AKAP6: variants seen among roughly 807,000 people sequenced by gnomAD.
AKAP6 encodes A-kinase anchoring protein 6, also known as A-kinase anchor protein 6.
In AKAP6, 58 loss-of-function variants were observed where a neutral mutation model predicts 188.5. That is an observed-to-expected ratio of 0.31 (90% confidence interval 0.25 to 0.38). AKAP6 has a LOEUF of 0.38. AKAP6 is among the 10% of genes least tolerant of loss of function. The pLI is 1.00. For synonymous variants in AKAP6, 989 were observed against 998.6 expected, an observed-to-expected ratio of 0.99 and a Z score of 0.18; for missense variants, 2,710 against 2,740.0, an observed-to-expected ratio of 0.99 and a Z score of 0.24.
At chr14:32,428,888 G>T (rs191565875) in intron 1 of AKAP6, among the ~76,000 whole-genome samples, 1 of 152,262 alleles carries the variant, frequency 6.6e-6, no homozygotes, top group East Asian at 1.9e-4. Flanking sequence ...TTAAAAAAAA[G>T]CCTTAAAATC....
intron 1 of AKAP6, among the ~76,000 whole-genome samples, chr14:32,357,495 T>A (rs1450522490): frequency 6.6e-6 from 1 of 152,232 alleles, no homozygotes; most frequent in East Asian, 1.9e-4. Context: ...AGGTTAGATT[T>A]ACTGCAAGTG....
intron 1 of AKAP6, among the ~76,000 whole-genome samples, chr14:32,360,912 T>G (rs887897456): frequency 6.6e-6 from 1 of 151,536 alleles, no homozygotes; most frequent in Non-Finnish European, 1.5e-5. Context: ...CCCAGCTAAT[T>G]AAAAAAAATT....
intron 7 of AKAP6, among the ~76,000 whole-genome samples, chr14:32,634,350 C>G (rs996050133): frequency 6.6e-6 from 1 of 152,040 alleles, no homozygotes. Context: ...CTGGTTGTTG[C>G]TTTTATCTGG....
chr14:32,786,303 T>G lies in AKAP6; in HGVS notation c.3588+12410T>G, dbSNP rs1223315896. Among the ~76,000 whole-genome samples the G allele has an allele frequency of 1.7e-3, 128 of 73,762 alleles. 20 individuals carry two copies. Among genetic ancestry groups the G allele is most frequent in the African/African-American group, 5.2e-3 (104 of 19,892 alleles). The allele number at this position is 73,762 out of a possible 152,430, so 48.4% of individuals were successfully genotyped here. A position where few individuals can be genotyped will look rare whatever the true frequency, so the allele number is the denominator to read the frequency against. On this transcript the variant is annotated intron_variant, in intron 12 of 13. Coordinates refer to ENST00000280979, the MANE Select transcript of AKAP6 (RefSeq NM_004274.5). ...TGAAAGACCTAAACCTTTATCTTTT[T>G]TTTTTTTTTTTTTTTTTTTTTTGAG...
chr14:32,349,571 T>C (rs569512547), intron 1 of AKAP6, among the ~76,000 whole-genome samples: 1 of 152,324 alleles, frequency 6.6e-6, no homozygotes, highest in East Asian at 1.9e-4. Context: ...GATTAGCAGC[T>C]GGAAATTCCA....
At chr14:32,346,166 G>A (rs975836877) in intron 1 of AKAP6, among the ~76,000 whole-genome samples, 1 of 152,162 alleles carries the variant, frequency 6.6e-6, no homozygotes, top group Admixed American at 6.5e-5. Flanking sequence ...AGAAATAACA[G>A]CTCTTCCTGG....
chr14:32,641,004 C>G (rs1293737015), intron 7 of AKAP6, among the ~76,000 whole-genome samples: 1 of 152,136 alleles, frequency 6.6e-6, no homozygotes, highest in East Asian at 1.9e-4. Flanking sequence ...GATGTACCAC[C>G]TAGAGAATCC....
chr14:32,382,782 T>G (rs770040909), intron 1 of AKAP6, among the ~76,000 whole-genome samples: 157 of 152,172 alleles, frequency 1.0e-3, no homozygotes, highest in Non-Finnish European at 1.8e-3. Context: ...GGAAAGAAAC[T>G]GTACCAATAG....
intron 2 of AKAP6, chr14:32,494,291 G>A (rs986011842): frequency 5.3e-5 from 8 of 152,156 alleles, no homozygotes; most frequent in Non-Finnish European, 1.0e-4. Context: ...GGGTGTTGAT[G>A]ATGAAGTTGG....
rs765458547 is a variant in AKAP6, at chr14:32,469,713, AT to A, written c.324+35908del. ...AGATCTGATATTTTTAATGTCACAA[AT>A]TTTTTTTTTTTATTATTATACTTGT... On this transcript the variant is annotated intron_variant, in intron 2 of 13. Coordinates refer to ENST00000280979, the MANE Select transcript of AKAP6 (RefSeq NM_004274.5). Among the ~76,000 whole-genome samples the A allele has an allele frequency of 5.4e-3, 339 of 62,846 alleles. 2 individuals are homozygous for A. Among genetic ancestry groups the A allele is most frequent in the African/African-American group, 0.046 (279 of 6,084 alleles). The allele number at this position is 62,846 out of a possible 152,430, so 41.2% of individuals were successfully genotyped here.
At chr14:32,697,924 G>C (rs1890468259) in intron 9 of AKAP6, among the ~76,000 whole-genome samples, 2 of 152,038 alleles carry the variant, frequency 1.3e-5, no homozygotes, top group Non-Finnish European at 2.9e-5. Context: ...AACATTTTCT[G>C]TACTGTGATT....
At chr14:32,771,732 T>C (rs955024058) in intron 11 of AKAP6, among the ~76,000 whole-genome samples, 3 of 152,210 alleles carry the variant, frequency 2.0e-5, no homozygotes, top group Non-Finnish European at 2.9e-5. Flanking sequence ...TTTTGTTGGC[T>C]TAAGAAATAC....
At chr14:32,706,864 A>G (rs1890832819) in intron 9 of AKAP6, among the ~76,000 whole-genome samples, 1 of 152,036 alleles carries the variant, frequency 6.6e-6, no homozygotes, top group African/African-American at 2.4e-5. Flanking sequence ...TAATGCTCTT[A>G]TGGCCTTTGG....
chr14:32,615,326 G>GA (rs908014821), intron 7 of AKAP6, among the ~76,000 whole-genome samples: 18 of 151,490 alleles, frequency 1.2e-4, no homozygotes, highest in Admixed American at 5.9e-4. Context: ...TGGCAGAGGG[G>GA]AAAAATGGGT....
chr14:32,728,381 T>TCTAC (rs2030992848), intron 9 of AKAP6, among the ~76,000 whole-genome samples: 1 of 151,778 alleles, frequency 6.6e-6, no homozygotes, highest in African/African-American at 2.4e-5. Flanking sequence ...TATCTATCTA[T>TCTAC]CTATCTATCT....
At chr14:32,452,738 A>G (rs759348934) in intron 2 of AKAP6, among the ~76,000 whole-genome samples, 5 of 152,244 alleles carry the variant, frequency 3.3e-5, no homozygotes, top group African/African-American at 4.8e-5. Flanking sequence ...TCCAGAGACC[A>G]TATTAATAAA....
In AKAP6 at chr14:32,591,471, C is replaced by CAAA. The variant is rs71432067; in HGVS notation, c.2470-7925_2470-7923dup. Among the ~76,000 whole-genome samples the CAAA allele has an allele frequency of 2.8e-3, 354 of 128,476 alleles. 2 individuals carry two copies. Among genetic ancestry groups the CAAA allele is most frequent in the Admixed American group, 0.013 (163 of 12,768 alleles). The allele number at this position is 128,476 out of a possible 152,430, so 84.3% of individuals were successfully genotyped here. A position where few individuals can be genotyped will look rare whatever the true frequency, so the allele number is the denominator to read the frequency against. ...TCAGTAAGATGCATCTACTTTGCAC[C>CAAA]AAAAAAAAAAAAAAAAGCAACTGTT... On this transcript the variant is annotated intron_variant, in intron 5 of 13. Transcript: ENST00000280979.
Position 32,336,650 on chromosome 14 carries a change from G to GT in AKAP6, c.-35+7243dup, listed in dbSNP as rs1391495638. On this transcript the variant is annotated intron_variant, in intron 1 of 13. Coordinates refer to ENST00000280979, the MANE Select transcript of AKAP6 (RefSeq NM_004274.5). Reference sequence around the variant, plus strand: ...TTGACATGGAGCTCCAAGCATATCTGTGGAGGCTCTCTCATCTTCTGTTCT... The same window carrying GT: ...TTGACATGGAGCTCCAAGCATATCTGTTGGAGGCTCTCTCATCTTCTGTTCT... Among the ~76,000 whole-genome samples the GT allele has an allele frequency of 1.3e-5, 2 of 152,122 alleles. 1 individual carries two copies. The highest frequency in any genetic ancestry group is 2.9e-5 in the Non-Finnish European group (2 of 68,016).
chr14:32,684,898 A>G (rs1044884878), intron 8 of AKAP6, among the ~76,000 whole-genome samples: 1 of 152,170 alleles, frequency 6.6e-6, no homozygotes, highest in African/African-American at 2.4e-5. Context: ...AAAGATACGT[A>G]AGACTTAATC....
Sources: allele counts gnomAD v4.1 joint callset (sites outside exome capture counted in the v4.1 genomes callset), GRCh38; gene constraint gnomAD v4.1.1; transcripts MANE v1.5; gene names NCBI Gene and HGNC (gene_info 2026-07-23, HGNC 2026-07-21).